MED14: variants seen among roughly 807,000 people sequenced by gnomAD.
The protein encoded by MED14 is mediator complex subunit 14, also known as mediator of RNA polymerase II transcription subunit 14.
In MED14, 8 loss-of-function variants were observed where a neutral mutation model predicts 109.0. The ratio of observed to expected loss-of-function variants is 0.07; its 90% CI spans 0.04 to 0.13. The LOEUF is 0.13. Ranked by LOEUF, MED14 falls within the 10% of genes least tolerant of loss-of-function variation. MED14 has a pLI of 1.00. For missense variants in MED14, 711 were observed against 1,142.4 expected (o/e 0.62, Z 5.44); for synonymous variants, 399 against 408.7 (o/e 0.98, Z 0.29).
chrX:40,722,469 T>C (rs1931754849), intron 3 of MED14, among the ~76,000 whole-genome samples: 1 of 111,463 alleles, frequency 9.0e-6, no homozygotes, highest in Admixed American at 9.5e-5. Flanking sequence ...CTACAAGATT[T>C]AGAAAACAGC....
chrX:40,668,701 A>T (rs766086381), intron 23 of MED14, among the ~76,000 whole-genome samples: 11 of 112,167 alleles, frequency 9.8e-5, no homozygotes, highest in Non-Finnish European at 1.9e-4. Context: ...CTCAGATAGT[A>T]TTGAAACCTG....
intron 23 of MED14, among the ~76,000 whole-genome samples, chrX:40,668,314 C>T (rs772345358): frequency 1.3e-4 from 12 of 92,375 alleles, no homozygotes; most frequent in Non-Finnish European, 2.0e-4. Context: ...ACCCAGAAGG[C>T]GGAGGTTGCA....
At chrX:40,691,041 A>T (rs1215338440) in intron 15 of MED14, among the ~76,000 whole-genome samples, 1 of 111,610 alleles carries the variant, frequency 9.0e-6, no homozygotes, top group Non-Finnish European at 1.9e-5. Context: ...AAAACATAAA[A>T]CTTTAACCTA....
In MED14 at chrX:40,710,122, C is replaced by A; in HGVS notation, c.1030G>T (p.Val344Phe). The A allele has an allele frequency of 8.7e-7, 1 of 1,148,526 alleles. No homozygotes were observed. The highest frequency in any genetic ancestry group is 3.2e-5 in the East Asian group (1 of 31,644). 94.7% of individuals were successfully genotyped at this position (1,148,526 alleles called of 1,213,427 possible). A position where few individuals can be genotyped will look rare whatever the true frequency, so the allele number is the denominator to read the frequency against. Residue 344 changes from valine (V) to phenylalanine (F), a missense_variant, in exon 9 of 31, where the codon GTT becomes TTT. Val to Phe is a conservative substitution (Grantham distance 50). This residue lies in a region of MED14 where 388 missense variants were observed against 517.3 expected (regional missense o/e 0.75). Transcript: ENST00000324817. ...CLSLSVWNQQ[V>F]LGRKTGTASV... is the part of the protein sequence containing the mutation. ...GCTGTTCCAGTTTTTCTCCCAAGAA[C>A]CTGTTGACTAAAGAAAAAAATGAAA...
At chrX:40,688,395 A>T in intron 16 of MED14, 59 bp downstream of exon 16, 1 of 832,889 alleles carries the variant, frequency 1.2e-6, no homozygotes. Context: ...AAAGAGAAGC[A>T]GCTTTCAGAG....
At chrX:40,666,439 A>G (rs1030433728) in intron 24 of MED14, among the ~76,000 whole-genome samples, 5 of 110,177 alleles carry the variant, frequency 4.5e-5, no homozygotes, top group African/African-American at 1.7e-4. Flanking sequence ...GCAAGTGAGA[A>G]TAACAGAAAC....
Position 40,713,961 on chromosome X carries a change from T to C in MED14, c.523-54A>G, listed in dbSNP as rs1931427068. On this transcript the variant is annotated intron_variant, in intron 4 of 30. Coordinates refer to ENST00000324817, the MANE Select transcript of MED14 (RefSeq NM_004229.4). ...TAATGTACAAACGGGGATTTTTTTTTTCAATCTTTTCCTGTCTTTATACAG... is the reference window on the plus strand; with the variant it reads ...TAATGTACAAACGGGGATTTTTTTTCTCAATCTTTTCCTGTCTTTATACAG... The C allele has an allele frequency of 7.1e-6, 8 of 1,132,761 alleles. No individual in the cohort carries two copies. The Admixed American group carries it at 1.9e-4, about 27-fold the overall frequency. 93.4% of individuals were successfully genotyped at this position (1,132,761 alleles called of 1,213,427 possible).
intron 26 of MED14, among the ~76,000 whole-genome samples, chrX:40,662,385 C>A (rs1056589782): frequency 9.9e-5 from 11 of 110,917 alleles, no homozygotes; most frequent in African/African-American, 3.3e-4. Flanking sequence ...TGCATGCCTG[C>A]TAATTTTTTA....
chrX:40,662,011 G>A (rs979017499), intron 26 of MED14, among the ~76,000 whole-genome samples: 1 of 108,034 alleles, frequency 9.3e-6, no homozygotes, highest in Non-Finnish European at 1.9e-5. Flanking sequence ...TTATAGGTGC[G>A]CACCACCATG....
At chrX:40,730,376 T>C (rs1008301272) in intron 1 of MED14, among the ~76,000 whole-genome samples, 16 of 111,546 alleles carry the variant, frequency 1.4e-4, no homozygotes, top group African/African-American at 3.6e-4. Flanking sequence ...GTTAGAAGAC[T>C]GCAAATAAAG....
chrX:40,698,360 A>T (rs1006347730), intron 12 of MED14, among the ~76,000 whole-genome samples: 11 of 112,423 alleles, frequency 9.8e-5, no homozygotes. Flanking sequence ...GCCTTTTCAA[A>T]GTCAATCTGG....
At position 40,713,798 on chromosome X, in the gene MED14, T is replaced by C. The variant is rs899892960; in HGVS notation, c.632A>G (p.Gln211Arg). 4 of 1,209,463 alleles carry C rather than the reference T, an allele frequency of 3.3e-6. No individual in the cohort carries two copies. Among genetic ancestry groups the C allele is most frequent in the Non-Finnish European group, 4.5e-6 (4 of 894,841 alleles). ...HRLVTTDLPP[Q>R]LANLTVANGR... Reference sequence around the variant, plus strand: ...CATACCAACTGTAAGATTTGCTAACTGAGGAGGAAGATCTGTGGTTACAAG... The same window carrying C: ...CATACCAACTGTAAGATTTGCTAACCGAGGAGGAAGATCTGTGGTTACAAG... The change falls in exon 5 of 31, where the codon CAG (glutamine) becomes CGG (arginine). Residue 211 changes from glutamine to arginine, a missense_variant. Coordinates refer to ENST00000324817, the MANE Select transcript of MED14 (RefSeq NM_004229.4).
At chrX:40,712,764 C>T (rs2040004123) in intron 6 of MED14, 150 bp downstream of exon 6, 1 of 521,049 alleles carries the variant, frequency 1.9e-6, no homozygotes, top group Non-Finnish European at 2.9e-6. Flanking sequence ...GTCTCAAACT[C>T]CTGAGCTCAA....
chrX:40,698,998 A>C (rs905564612), intron 12 of MED14, among the ~76,000 whole-genome samples: 8 of 112,556 alleles, frequency 7.1e-5, no homozygotes, highest in Admixed American at 1.9e-4. Flanking sequence ...ATAACCAAAA[A>C]GTGGAAACAA....
At position 40,651,503 on chromosome X, in the gene MED14, C is replaced by A; in HGVS notation, c.*303G>T. 1 of 811,492 alleles carries A rather than the reference C, an allele frequency of 1.2e-6. No individual in the cohort carries two copies. The highest frequency in any genetic ancestry group is 1.5e-6 in the Non-Finnish European group (1 of 671,748). The allele number at this position is 811,492 out of a possible 1,213,427, so 66.9% of individuals were successfully genotyped here. A position where few individuals can be genotyped will look rare whatever the true frequency, so the allele number is the denominator to read the frequency against. On this transcript the variant is annotated 3_prime_UTR_variant, in exon 31 of 31. Coordinates refer to ENST00000324817, the MANE Select transcript of MED14 (RefSeq NM_004229.4). ...AAACATAAGAAAACAATTAAATAAA[C>A]AAGTTTGGCATTTTCATAACTTTAT...
At position 40,709,380 on chromosome X, in the gene MED14, G is replaced by A; in HGVS notation, c.1253C>T (p.Ala418Val). The A allele has an allele frequency of 8.8e-7, 1 of 1,132,127 alleles. No individual in the cohort carries two copies. The highest frequency in any genetic ancestry group is 1.2e-6 in the Non-Finnish European group (1 of 844,131). 93.3% of individuals were successfully genotyped at this position (1,132,127 alleles called of 1,213,427 possible). ...ATTGGCATTGAAGCCTCTAAGAATGGCCTTCAGTTCTTGGAGCTTCTGATG... is the reference window on the plus strand; with the variant it reads ...ATTGGCATTGAAGCCTCTAAGAATGACCTTCAGTTCTTGGAGCTTCTGATG... ...RAHQKLQELK[A>V]ILRGFNANEN... Residue 418 changes from alanine to valine, a missense_variant, in exon 10 of 31, where the codon GCC (alanine) becomes GTC (valine). Transcript: ENST00000324817.
intron 10 of MED14, among the ~76,000 whole-genome samples, chrX:40,707,139 A>AGATC (rs1931180788): frequency 9.0e-6 from 1 of 110,869 alleles, no homozygotes; most frequent in Non-Finnish European, 1.9e-5. Context: ...ATAGATAGAT[A>AGATC]GATAGATAGA....
rs1647541056 is a variant in MED14, at chrX:40,680,083, A to G, written c.2661T>C (p.Thr887=). 1 of 1,211,646 alleles carries G rather than the reference A, an allele frequency of 8.3e-7. No homozygotes were observed. Residue 887 remains threonine, a synonymous_variant, in exon 21 of 31, where the codon ACT becomes ACC. Coordinates refer to ENST00000324817, the MANE Select transcript of MED14 (RefSeq NM_004229.4). ...APLNAINKLP[T]VPMLGLTQRT... ...TCTGGGTCAAGCCCAACATCGGCACAGTGGGGAGTTTGTTGATGGCATTTA... is the reference window on the plus strand; with the variant it reads ...TCTGGGTCAAGCCCAACATCGGCACGGTGGGGAGTTTGTTGATGGCATTTA...
chrX:40,682,665 T>C lies in MED14; in HGVS notation c.2303A>G (p.Asn768Ser). The C allele has an allele frequency of 8.3e-7, 1 of 1,201,631 alleles. No individual in the cohort carries two copies. Among genetic ancestry groups the C allele is most frequent in the South Asian group, 1.8e-5 (1 of 55,804 alleles). The change falls in exon 18 of 31, where the codon AAT (asparagine) becomes AGT (serine). Residue 768 changes from asparagine to serine, a missense_variant. Asn to Ser is a conservative substitution (Grantham distance 46, BLOSUM62 1). Coordinates refer to ENST00000324817, the MANE Select transcript of MED14 (RefSeq NM_004229.4). ...TAATCGTGCAATGCTATTCCAGTCATTAAGAAACATTTCAACCACCTTTCT... is the reference window on the plus strand; with the variant it reads ...TAATCGTGCAATGCTATTCCAGTCACTAAGAAACATTTCAACCACCTTTCT... Reference protein sequence around the residue: ...GGRKVVEMFLNDWNSIARLYE... With the variant: ...GGRKVVEMFLSDWNSIARLYE...
Sources: allele counts gnomAD v4.1 joint callset (sites outside exome capture counted in the v4.1 genomes callset), GRCh38; gene constraint gnomAD v4.1.1; regional missense constraint gnomAD v4.1.1; transcripts MANE v1.5; gene names NCBI Gene and HGNC (gene_info 2026-07-23, HGNC 2026-07-21).